The following SAMMSON variants were observed in gnomAD, a reference collection of about 807,000 sequenced individuals.
SAMMSON encodes survival associated mitochondrial melanoma specific oncogenic non-coding RNA.
At chr3:70,040,384 CAT>C (rs1160231220) in intron 3 of SAMMSON, among the ~76,000 whole-genome samples, 1 of 152,140 alleles carries the variant, frequency 6.6e-6, no homozygotes, top group Non-Finnish European at 1.5e-5. Context: ...AAGGTTAAGA[CAT>C]GTGCCCAGGG....
chr3:70,322,840 C>G (rs1702547500), intron 7 of SAMMSON, among the ~76,000 whole-genome samples: 4 of 151,870 alleles, frequency 2.6e-5, no homozygotes, highest in Non-Finnish European at 4.4e-5. Context: ...TCAGTGTGTC[C>G]CTAAATTATA....
intron 6 of SAMMSON, among the ~76,000 whole-genome samples, chr3:70,260,481 G>C (rs143253448): frequency 6.6e-6 from 1 of 151,960 alleles, no homozygotes; most frequent in East Asian, 1.9e-4. Flanking sequence ...AGTTCAACTC[G>C]TAACAGCCCC....
chr3:70,279,435 C>T (rs1702059400), intron 6 of SAMMSON, among the ~76,000 whole-genome samples: 1 of 152,066 alleles, frequency 6.6e-6, no homozygotes, highest in South Asian at 2.1e-4. Flanking sequence ...TTATCTCCTT[C>T]ACATCTCTGA....
intron 3 of SAMMSON, chr3:70,070,023 A>G (rs1271921190): frequency 6.6e-6 from 1 of 152,114 alleles, no homozygotes; most frequent in Admixed American, 6.6e-5. Flanking sequence ...ATCTCTCTAT[A>G]AGTTATAGAT....
chr3:70,228,314 C>CA (rs199974333), intron 4 of SAMMSON, among the ~76,000 whole-genome samples: 2,607 of 151,664 alleles, frequency 0.017, 35 homozygotes, highest in Non-Finnish European at 0.028. Flanking sequence ...AAATATTAAC[C>CA]AAAAAATCTT....
At chr3:70,296,834 T>C (rs925104832) in intron 7 of SAMMSON, among the ~76,000 whole-genome samples, 1 of 152,112 alleles carries the variant, frequency 6.6e-6, no homozygotes, top group South Asian at 2.1e-4. Context: ...GTGGTTTTTT[T>C]AAAAGGCATA....
At chr3:70,216,753 C>T (rs1441927306) in intron 4 of SAMMSON, among the ~76,000 whole-genome samples, 1 of 152,134 alleles carries the variant, frequency 6.6e-6, no homozygotes, top group African/African-American at 2.4e-5. Context: ...TACCTGACAT[C>T]AAAAACAGTG....
At chr3:70,073,058 T>C (rs1228241430) in intron 4 of SAMMSON, among the ~76,000 whole-genome samples, 1 of 152,004 alleles carries the variant, frequency 6.6e-6, no homozygotes, top group Non-Finnish European at 1.5e-5. Context: ...TTTACAAAGT[T>C]AGAAGGCGGA....
chr3:70,384,569 C>A (rs1488948702), intron 9 of SAMMSON, among the ~76,000 whole-genome samples: 1 of 151,950 alleles, frequency 6.6e-6, no homozygotes. Context: ...GGGCTTGAGG[C>A]AAATTATTGT....
intron 4 of SAMMSON, among the ~76,000 whole-genome samples, chr3:70,110,228 C>T (rs967151234): frequency 1.3e-5 from 2 of 152,206 alleles, no homozygotes; most frequent in African/African-American, 4.8e-5. Flanking sequence ...CTGGAGCTGT[C>T]TTTTTCGTAT....
intron 4 of SAMMSON, among the ~76,000 whole-genome samples, chr3:70,199,503 G>A (rs966891494): frequency 6.6e-6 from 1 of 151,896 alleles, no homozygotes; most frequent in African/African-American, 2.4e-5. Flanking sequence ...TTTTTATTTG[G>A]TTTTAAAAGG....
At chr3:70,008,652 C>T (rs1410725904) in intron 1 of SAMMSON, among the ~76,000 whole-genome samples, 1 of 152,142 alleles carries the variant, frequency 6.6e-6, no homozygotes, top group East Asian at 1.9e-4. Flanking sequence ...CCTGATTGCC[C>T]TGGCCAGAAC....
intron 3 of SAMMSON, among the ~76,000 whole-genome samples, chr3:70,049,501 C>A (rs2067138751): frequency 6.6e-6 from 1 of 152,064 alleles, no homozygotes; most frequent in Non-Finnish European, 1.5e-5. Flanking sequence ...ATTTATGAAC[C>A]TTTGACCTTA....
intron 6 of SAMMSON, among the ~76,000 whole-genome samples, chr3:70,264,211 G>C (rs1481362252): frequency 6.6e-6 from 1 of 152,130 alleles, no homozygotes; most frequent in Non-Finnish European, 1.5e-5. Flanking sequence ...AATGGCAATG[G>C]CAATGACTTG....
At chr3:70,431,965 A>C (rs2106780411) in intron 2 of SAMMSON, among the ~76,000 whole-genome samples, 1 of 152,140 alleles carries the variant, frequency 6.6e-6, no homozygotes, top group South Asian at 2.1e-4. Flanking sequence ...CAATGTATTT[A>C]TTAACAAATT....
chr3:70,011,847 A>T (rs1334294352), intron 1 of SAMMSON, among the ~76,000 whole-genome samples: 3 of 152,114 alleles, frequency 2.0e-5, no homozygotes, highest in African/African-American at 7.2e-5. Context: ...GAAGGAAATA[A>T]TCACTGCTCA....
intron 4 of SAMMSON, among the ~76,000 whole-genome samples, chr3:70,168,310 G>A (rs1355865045): frequency 6.6e-6 from 1 of 151,928 alleles, no homozygotes; most frequent in Non-Finnish European, 1.5e-5. Context: ...GGAGGAAGGG[G>A]TGACAGATGA....
At chr3:70,336,500 A>G (rs549811860) in intron 7 of SAMMSON, among the ~76,000 whole-genome samples, 1 of 152,102 alleles carries the variant, frequency 6.6e-6, no homozygotes, top group East Asian at 1.9e-4. Context: ...ATATCTGTCA[A>G]TCTTGGAGGT....
At chr3:70,272,978 C>T (rs1025663958) in intron 6 of SAMMSON, among the ~76,000 whole-genome samples, 7 of 152,164 alleles carry the variant, frequency 4.6e-5, no homozygotes, top group East Asian at 1.9e-4. Flanking sequence ...GGCATCTTTT[C>T]GGCTTCAGTC....
Sources: gnomAD v4.1 joint callset for allele counts (sites outside exome capture counted in the v4.1 genomes callset) on GRCh38, gnomAD v4.1.1 for gene constraint, MANE v1.5 for transcripts, NCBI Gene and HGNC (gene_info 2026-07-23, HGNC 2026-07-21) for gene names.